The following MACROD2 variants were observed in gnomAD, a reference collection of about 807,000 sequenced individuals.
MACROD2 encodes ADP-ribose glycohydrolase MACROD2.
MACROD2 carries 36 observed loss-of-function variants against 70.4 expected under a neutral mutation model. That is an observed-to-expected ratio of 0.51 (90% confidence interval 0.39 to 0.68). The LOEUF (loss-of-function observed/expected upper bound fraction) is 0.68, where lower values mean the gene tolerates loss of function less well. Among genes scored for constraint, MACROD2 ranks in the 30% least tolerant of loss-of-function variants. The probability of loss-of-function intolerance (pLI) is 0.00; values close to 1 mark genes in which losing one functional copy is unlikely to be tolerated. For missense variants in MACROD2, 496 were observed against 538.4 expected (o/e 0.92, Z 0.78); for synonymous variants, 172 against 178.8 (o/e 0.96, Z 0.30).
chr20:15,313,722 G>T (rs916422613), intron 6 of MACROD2, among the ~76,000 whole-genome samples: 2 of 152,042 alleles, frequency 1.3e-5, no homozygotes, highest in Middle Eastern at 3.2e-3. Flanking sequence ...TCTTCCACTG[G>T]GTGTAGTGGA....
chr20:14,898,578 T>A (rs925852750), intron 5 of MACROD2, among the ~76,000 whole-genome samples: 1 of 152,026 alleles, frequency 6.6e-6, no homozygotes, highest in Non-Finnish European at 1.5e-5. Flanking sequence ...ATTACAAAAT[T>A]ATGAAAATTA....
At chr20:14,640,485 A>C (rs1985029268) in intron 4 of MACROD2, among the ~76,000 whole-genome samples, 3 of 152,120 alleles carry the variant, frequency 2.0e-5, no homozygotes, top group Non-Finnish European at 2.9e-5. Flanking sequence ...TCTATCCCTG[A>C]GGAGCTTTAT....
rs145569657 is a variant in MACROD2, at chr20:15,279,894, G to A, written c.540+49833G>A. On this transcript the variant is annotated intron_variant, in intron 6 of 17. Coordinates refer to ENST00000684519, the MANE Select transcript of MACROD2 (RefSeq NM_001351661.2). ...CATGAGGATAATAAAATTTTCTTTT[G>A]GTAATTACATCTAAGGACATAAGTA... Among the ~76,000 whole-genome samples the A allele has an allele frequency of 3.5e-3, 537 of 152,088 alleles. 2 individuals are homozygous for A. Among genetic ancestry groups the A allele is most frequent in the African/African-American group, 0.012 (502 of 41,480 alleles).
chr20:15,509,663 T>A (rs2047473721), intron 8 of MACROD2, among the ~76,000 whole-genome samples: 1 of 152,210 alleles, frequency 6.6e-6, no homozygotes, highest in Non-Finnish European at 1.5e-5. Flanking sequence ...GGTGCAGTTA[T>A]AACCACCACT....
intron 5 of MACROD2, among the ~76,000 whole-genome samples, chr20:14,955,015 T>C (rs1452497744): frequency 4.8e-3 from 1 of 208 alleles, no homozygotes; most frequent in Non-Finnish European, 9.4e-3. Flanking sequence ...ATATTTATAT[T>C]ATATATTATA....
chr20:14,655,698 G>A (rs1568722815), intron 4 of MACROD2, among the ~76,000 whole-genome samples: 1 of 151,832 alleles, frequency 6.6e-6, no homozygotes, highest in Non-Finnish European at 1.5e-5. Flanking sequence ...CTCCTTTCAG[G>A]GATGTATGTA....
chr20:15,936,669 G>GTATATATATATATATATA (rs1568653268), intron 11 of MACROD2, among the ~76,000 whole-genome samples: 4 of 33,128 alleles, frequency 1.2e-4, no homozygotes, highest in African/African-American at 2.9e-4. Flanking sequence ...GTGTATATGT[G>GTATATATATATATATATA]TGTATATATA....
intron 4 of MACROD2, among the ~76,000 whole-genome samples, chr20:14,544,508 G>C (rs556483988): frequency 1.3e-5 from 2 of 151,960 alleles, no homozygotes; most frequent in African/African-American, 4.8e-5. Context: ...ATGAGTAAAA[G>C]TTTCGAGTCC....
At chr20:16,008,882 T>C (rs2147521994) in intron 15 of MACROD2, among the ~76,000 whole-genome samples, 1 of 152,328 alleles carries the variant, frequency 6.6e-6, no homozygotes, top group Admixed American at 6.5e-5. Flanking sequence ...CCTCCCTTAG[T>C]CTAGCACAAT....
Position 14,948,785 on chromosome 20 carries a change from T to C in MACROD2, c.418+263826T>C, listed in dbSNP as rs754037548. 7.2e-5 allele frequency among the ~76,000 whole-genome samples: 11 copies of C among 152,284 alleles called. 1 individual carries two copies. In the Middle Eastern group the frequency reaches 0.024, roughly 330 times the overall value. ...TTTAGGAGACAAAGGCTATGTCAAG[T>C]GCCTAGCCTAATACAGGACTTTCGC... On this transcript the variant is annotated intron_variant, in intron 5 of 17. Coordinates refer to ENST00000684519, the MANE Select transcript of MACROD2 (RefSeq NM_001351661.2).
intron 5 of MACROD2, among the ~76,000 whole-genome samples, chr20:14,713,489 T>A (rs2071361658): frequency 6.6e-6 from 1 of 152,124 alleles, no homozygotes; most frequent in South Asian, 2.1e-4. Flanking sequence ...CTCTGGCAGT[T>A]TTACCACCTA....
chr20:14,012,504 C>T (rs1423153226), intron 2 of MACROD2, among the ~76,000 whole-genome samples: 1 of 152,132 alleles, frequency 6.6e-6, no homozygotes, highest in Non-Finnish European at 1.5e-5. Context: ...AATTTTCTTT[C>T]CTTTTTTTAA....
intron 5 of MACROD2, among the ~76,000 whole-genome samples, chr20:14,829,517 A>C (rs962268364): frequency 3.9e-5 from 6 of 151,934 alleles, no homozygotes; most frequent in African/African-American, 1.5e-4. Context: ...TCATTTTTTC[A>C]CCTGAGCCAG....
At chr20:15,363,860 T>A (rs573110625) in intron 6 of MACROD2, among the ~76,000 whole-genome samples, 2 of 152,304 alleles carry the variant, frequency 1.3e-5, no homozygotes, top group Admixed American at 6.5e-5. Flanking sequence ...ATATAATGAA[T>A]CTGTGGGGGG....
In MACROD2 at chr20:15,085,596, T is replaced by C. The variant is rs377290404; in HGVS notation, c.419-144344T>C. 1.3e-3 allele frequency among the ~76,000 whole-genome samples: 204 copies of C among 152,172 alleles called. 4 individuals are homozygous for C. In the South Asian group the frequency reaches 0.041, roughly 31 times the overall value. On this transcript the variant is annotated intron_variant, in intron 5 of 17. Transcript: ENST00000684519. The stretch of plus-strand genomic sequence containing the variant: ...CATGAGGGGGACATGGATGGTAGGA[T>C]GTAAGTATATACAAGGGGAAACTGA...
chr20:15,462,342 T>C (rs745337405), intron 7 of MACROD2, among the ~76,000 whole-genome samples: 2 of 152,220 alleles, frequency 1.3e-5, no homozygotes, highest in Non-Finnish European at 2.9e-5. Context: ...CTCATTGTGT[T>C]TGCTCTTGTC....
intron 3 of MACROD2, among the ~76,000 whole-genome samples, chr20:14,273,246 A>C (rs1029127376): frequency 1.6e-4 from 25 of 152,160 alleles, no homozygotes; most frequent in African/African-American, 6.0e-4. Context: ...AGTTGGATGT[A>C]AAGCTCTCCT....
chr20:14,515,463 A>ACACACACACACGCGCGCGCGCG (rs34190778), intron 4 of MACROD2, among the ~76,000 whole-genome samples: 2 of 138,822 alleles, frequency 1.4e-5, no homozygotes, highest in African/African-American at 5.7e-5. Flanking sequence ...ATACACACAC[A>ACACACACACACGCGCGCGCGCG]CGCACACACA....
Position 14,181,923 on chromosome 20 carries a change from G to A in MACROD2, c.271+96195G>A, listed in dbSNP as rs543679898. On this transcript the variant is annotated intron_variant, in intron 3 of 17. Transcript: ENST00000684519. ...AAATTTGAGTTGTTTCTATTTTCTGGCTATTGTGAATAATTCTTCTGTGAA... is the reference window on the plus strand; with the variant it reads ...AAATTTGAGTTGTTTCTATTTTCTGACTATTGTGAATAATTCTTCTGTGAA... 1.5e-4 allele frequency among the ~76,000 whole-genome samples: 23 copies of A among 152,160 alleles called. No homozygotes were observed. The South Asian group carries it at 2.5e-3, about 16-fold the overall frequency.
Sources: gnomAD v4.1 joint callset for allele counts (sites outside exome capture counted in the v4.1 genomes callset) on GRCh38, gnomAD v4.1.1 for gene constraint, MANE v1.5 for transcripts, NCBI Gene and HGNC (gene_info 2026-07-23, HGNC 2026-07-21) for gene names.